The following MYO3B variants were observed in gnomAD, a reference collection of about 807,000 sequenced individuals.
MYO3B encodes the protein myosin IIIB, also known as myosin-IIIb.
Under a neutral mutation model 174.6 loss-of-function variants are expected in MYO3B, and 156 were observed. That is an observed-to-expected ratio of 0.89 (90% CI 0.78 to 1.02). MYO3B has a LOEUF of 1.02. MYO3B is among the 50% of genes least tolerant of loss of function. The pLI, the probability that MYO3B is intolerant of heterozygous loss-of-function variation, is 0.00. For missense variants in MYO3B, 1,632 were observed against 1,639.4 expected, an observed-to-expected ratio of 1.00 and a Z score of 0.08; for synonymous variants, 563 against 569.1, an observed-to-expected ratio of 0.99 and a Z score of 0.15.
rs1685247044 is a variant in MYO3B at position 170,475,299 on chromosome 2, G to A, written c.3014+8588G>A. ...AGGGCCCTGCTCTGCTGCCTAGGCT[G>A]GAGTGCAGTGGCATGATCATGGTTC... On this transcript the variant is annotated intron_variant, in intron 25 of 34. Transcript: ENST00000408978. 2.0e-5 allele frequency among the ~76,000 whole-genome samples: 3 copies of A among 152,278 alleles called. No homozygotes were observed. The South Asian group carries it at 6.2e-4, about 32-fold the overall frequency.
chr2:170,392,415 G>A lies in MYO3B; in HGVS notation c.1711G>A (p.Asp571Asn), dbSNP rs371432418. The change falls in exon 16 of 35, where the codon GAC becomes AAC. Residue 571 changes from aspartate (D) to asparagine (N), a missense_variant. Coordinates refer to ENST00000408978, the MANE Select transcript of MYO3B (RefSeq NM_138995.5). ...IADETGRVMH[D>N]ITSKESYRRQ... Reference sequence around the variant, plus strand: ...TGATGAAACTGGAAGGGTGATGCACGACATAACTTCCAAGGAGTCTTACAG... The same window carrying A: ...TGATGAAACTGGAAGGGTGATGCACAACATAACTTCCAAGGAGTCTTACAG... 40 of 1,600,974 alleles carry A rather than the reference G, an allele frequency of 2.5e-5. No individual in the cohort carries two copies. Among genetic ancestry groups the A allele is most frequent in the Middle Eastern group, 1.7e-4 (1 of 6,042 alleles).
rs929371151 is a variant in MYO3B at position 170,281,226 on chromosome 2, C to T, written c.749+45090C>T. The stretch of plus-strand genomic sequence containing the variant: ...TAACTGTATTCCCAGGTATTTTATT[C>T]TTTTTGTGGCAATTGTGAATGGGAT... On this transcript the variant is annotated intron_variant, in intron 7 of 34. Transcript: ENST00000408978. Among the ~76,000 whole-genome samples, 12 of 152,056 alleles carry T rather than the reference C, an allele frequency of 7.9e-5. 1 individual carries two copies. Among genetic ancestry groups the T allele is most frequent in the Admixed American group, 1.3e-4 (2 of 15,256 alleles).
chr2:170,621,228 A>G (rs893907627), intron 32 of MYO3B, among the ~76,000 whole-genome samples: 4 of 152,158 alleles, frequency 2.6e-5, no homozygotes, highest in Admixed American at 2.6e-4. Context: ...CCAGGACAAC[A>G]GTTGTCACAT....
chr2:170,585,177 T>C (rs969467106), intron 32 of MYO3B, among the ~76,000 whole-genome samples: 2 of 152,182 alleles, frequency 1.3e-5, no homozygotes, highest in Non-Finnish European at 2.9e-5. Context: ...AAATTACTGC[T>C]CTAGGGGCAT....
At chr2:170,331,988 G>A (rs934417165) in intron 7 of MYO3B, 5 of 152,060 alleles carry the variant, frequency 3.3e-5, no homozygotes, top group African/African-American at 7.3e-5. Flanking sequence ...CAACCTCCCC[G>A]TCTCTAGGAC....
intron 7 of MYO3B, among the ~76,000 whole-genome samples, chr2:170,316,793 C>G (rs2093778875): frequency 6.6e-6 from 1 of 152,206 alleles, no homozygotes; most frequent in East Asian, 1.9e-4. Context: ...TCCTCTGAGT[C>G]CCAATTGTTG....
chr2:170,559,913 T>A (rs942531665), intron 32 of MYO3B, among the ~76,000 whole-genome samples: 9 of 152,086 alleles, frequency 5.9e-5, no homozygotes, highest in African/African-American at 2.2e-4. Context: ...TTCCTAAGAA[T>A]GTGTGTGTGT....
In MYO3B at chr2:170,405,526, A is replaced by C; in HGVS notation, c.2432-19A>C. 1 of 1,612,610 alleles carries C rather than the reference A, an allele frequency of 6.2e-7. No individual in the cohort carries two copies. The highest frequency in any genetic ancestry group is 8.5e-7 in the Non-Finnish European group (1 of 1,178,662). The stretch of plus-strand genomic sequence containing the variant: ...GAAATAATTCACATTGTAACTCTCC[A>C]ACATAAAAATCCACACAGATAAATT... On this transcript the variant is annotated intron_variant, in intron 20 of 34. Coordinates refer to ENST00000408978, the MANE Select transcript of MYO3B (RefSeq NM_138995.5).
At chr2:170,246,273 A>G (rs1240369505) in intron 7 of MYO3B, among the ~76,000 whole-genome samples, 2 of 152,196 alleles carry the variant, frequency 1.3e-5, no homozygotes, top group Admixed American at 1.3e-4. Context: ...TATCAATGGA[A>G]GTGTGTTGCA....
At chr2:170,401,225 C>T (rs1465891145) in intron 17 of MYO3B, among the ~76,000 whole-genome samples, 1 of 152,104 alleles carries the variant, frequency 6.6e-6, no homozygotes, top group Non-Finnish European at 1.5e-5. Flanking sequence ...ACCTATTTCC[C>T]CAATTTATTT....
At chr2:170,602,079 CT>C in intron 32 of MYO3B, 1 of 1,099,732 alleles carries the variant, frequency 9.1e-7, no homozygotes, top group Non-Finnish European at 1.4e-6. Flanking sequence ...CAGACATGGC[CT>C]TCCACCTCTC....
chr2:170,562,949 CCTT>C (rs1339601318), intron 32 of MYO3B, among the ~76,000 whole-genome samples: 4 of 151,776 alleles, frequency 2.6e-5, no homozygotes, highest in Admixed American at 1.3e-4. Context: ...TTCCTCAAAT[CCTT>C]CTTATAATTT....
At chr2:170,443,865 T>G in intron 22 of MYO3B, 102 bp from the exon 23 acceptor site, 1 of 887,108 alleles carries the variant, frequency 1.1e-6, no homozygotes, top group South Asian at 2.7e-5. Flanking sequence ...GCAGATTGTT[T>G]TGAAAATTCA....
intron 32 of MYO3B, among the ~76,000 whole-genome samples, chr2:170,630,959 G>C (rs890087616): frequency 6.6e-6 from 1 of 152,158 alleles, no homozygotes; most frequent in Admixed American, 6.5e-5. Context: ...AGATACCAGA[G>C]TAGAAAAGCT....
chr2:170,288,410 T>G (rs1480752231), intron 7 of MYO3B, among the ~76,000 whole-genome samples: 1 of 152,016 alleles, frequency 6.6e-6, no homozygotes, highest in Non-Finnish European at 1.5e-5. Flanking sequence ...TTCATCCAAG[T>G]TTTATAGTTT....
intron 8 of MYO3B, among the ~76,000 whole-genome samples, chr2:170,351,398 A>T (rs932490479): frequency 3.3e-5 from 5 of 152,154 alleles, no homozygotes; most frequent in African/African-American, 1.2e-4. Flanking sequence ...GTCTGGGGTG[A>T]TGCTGACCAT....
intron 32 of MYO3B, among the ~76,000 whole-genome samples, chr2:170,569,499 A>G (rs559672225): frequency 6.6e-6 from 1 of 151,126 alleles, no homozygotes; most frequent in South Asian, 2.1e-4. Flanking sequence ...GAGAGACAGA[A>G]TCTATAAAAC....
At chr2:170,400,113 T>A in intron 16 of MYO3B, 75 bp from the exon 17 acceptor site, 1 of 1,571,378 alleles carries the variant, frequency 6.4e-7, no homozygotes, top group East Asian at 2.3e-5. Context: ...AACTAGTAGT[T>A]TCCACTACAG....
At chr2:170,392,991 A>G (rs1040549738) in intron 16 of MYO3B, among the ~76,000 whole-genome samples, 14 of 152,038 alleles carry the variant, frequency 9.2e-5, no homozygotes, top group Non-Finnish European at 2.1e-4. Flanking sequence ...AACAAGACAA[A>G]CTAATTAAAA....
Sources: gnomAD v4.1 joint callset for allele counts (sites outside exome capture counted in the v4.1 genomes callset) on GRCh38, gnomAD v4.1.1 for gene constraint, MANE v1.5 for transcripts, NCBI Gene and HGNC (gene_info 2026-07-23, HGNC 2026-07-21) for gene names.